Variants in SP110 observed in about 807,000 individuals in gnomAD.
SP110 encodes SP110 nuclear body protein, also known as interferon-induced protein 41, 30kD.
In SP110, 62 loss-of-function variants were observed where a neutral mutation model predicts 92.7. That is an observed-to-expected ratio of 0.67 (90% CI 0.55 to 0.83). SP110 has a LOEUF of 0.83. SP110 is among the 40% of genes least tolerant of loss of function. The probability of loss-of-function intolerance (pLI) is 0.00; values close to 1 mark genes in which losing one functional copy is unlikely to be tolerated. For synonymous variants in SP110, 273 were observed against 305.3 expected (o/e 0.89, Z 1.10); for missense variants, 793 against 863.9 (o/e 0.92, Z 1.03).
intron 9 of SP110, 47 bp downstream of exon 9, chr2:230,202,532 C>T (rs1238457423): frequency 1.3e-6 from 2 of 1,597,628 alleles, no homozygotes; most frequent in East Asian, 2.2e-5. Flanking sequence ...AGGAGAGACC[C>T]TCCCACACTG....
chr2:230,178,259 A>G lies in SP110; in HGVS notation c.1349-4T>C, dbSNP rs565270221. On this transcript the variant is annotated splice_region_variant and splice_polypyrimidine_tract_variant and intron_variant, in intron 12 of 18. Transcript: ENST00000258381. ...ACAGTGTCACTTTTGGGTTTTCCTT[A>G]AAGTAGAAGAGAACAGTTTTGTGTT... The G allele has an allele frequency of 3.8e-6, 6 of 1,571,152 alleles. No individual in the cohort carries two copies. Among genetic ancestry groups the G allele is most frequent in the Middle Eastern group, 1.7e-4 (1 of 5,978 alleles).
intron 14 of SP110, among the ~76,000 whole-genome samples, chr2:230,175,918 T>C (rs993930935): frequency 1.6e-4 from 24 of 152,098 alleles, no homozygotes; most frequent in Admixed American, 1.3e-3. Context: ...TCAATGCCTT[T>C]TCTTTTGCTT....
chr2:230,191,439 A>G (rs2042627529), intron 10 of SP110, among the ~76,000 whole-genome samples: 1 of 152,218 alleles, frequency 6.6e-6, no homozygotes, highest in Admixed American at 6.5e-5. Flanking sequence ...AATAAAAATG[A>G]TAAGGGGGAA....
chr2:230,188,086 G>T (rs2042440247), intron 10 of SP110, among the ~76,000 whole-genome samples: 2 of 152,092 alleles, frequency 1.3e-5, no homozygotes, highest in South Asian at 4.1e-4. Flanking sequence ...TGGGCAGTGT[G>T]ATCATTTTCA....
At chr2:230,171,974 C>T (rs1167714492) in intron 16 of SP110, 92 bp downstream of exon 16, 1 of 883,818 alleles carries the variant, frequency 1.1e-6, no homozygotes, top group Non-Finnish European at 1.9e-6. Context: ...ACATTGAAGG[C>T]TCCCTTTGGT....
intron 9 of SP110, among the ~76,000 whole-genome samples, chr2:230,201,248 A>C (rs1243966112): frequency 6.6e-6 from 1 of 152,230 alleles, no homozygotes; most frequent in Non-Finnish European, 1.5e-5. Flanking sequence ...AGAGTCTCTC[A>C]AAGTAAGGTC....
intron 10 of SP110, 151 bp downstream of exon 10, chr2:230,200,734 G>A (rs945885246): frequency 1.5e-6 from 1 of 682,148 alleles, no homozygotes; most frequent in Non-Finnish European, 2.6e-6. Context: ...ATCATGGGAA[G>A]GGTCTTGATT....
upstream of SP110, among the ~76,000 whole-genome samples, chr2:230,223,268 C>T (rs1448462549): frequency 6.6e-6 from 1 of 152,122 alleles, no homozygotes; most frequent in Non-Finnish European, 1.5e-5. Flanking sequence ...ATCTCCTGAC[C>T]TCGTGATCTG....
chr2:230,212,867 A>G lies in SP110; in HGVS notation c.477T>C (p.Pro159=), dbSNP rs2044649054. ...CATCGCTTTGCTGGGAGGATGTTCC[A>G]GGCTCACTGACTCTTGGCGCACAGG... The part of the protein sequence containing the change: ...CSPCAPRVSE[P]GTSSQQSDEI... Residue 159 remains proline (P), a synonymous_variant, in exon 4 of 19, where the codon CCT becomes CCC. Transcript: ENST00000258381. 1 of 1,614,110 alleles carries G rather than the reference A, an allele frequency of 6.2e-7. No homozygotes were observed. Among genetic ancestry groups the G allele is most frequent in the Non-Finnish European group, 8.5e-7 (1 of 1,180,006 alleles).
intron 2 of SP110, 119 bp from the exon 3 acceptor site, chr2:230,215,237 T>C: frequency 2.5e-6 from 2 of 797,616 alleles, no homozygotes; most frequent in Non-Finnish European, 2.1e-6. Flanking sequence ...AAATTCAACA[T>C]AAAATATATA....
intron 2 of SP110, among the ~76,000 whole-genome samples, chr2:230,215,651 G>A (rs145071855): frequency 4.6e-5 from 7 of 152,270 alleles, no homozygotes; most frequent in East Asian, 1.9e-4. Context: ...GGAGAAATAC[G>A]GCAAGAGAGA....
chr2:230,179,848 T>C (rs923056390), intron 12 of SP110, among the ~76,000 whole-genome samples: 5 of 150,618 alleles, frequency 3.3e-5, no homozygotes, highest in Admixed American at 1.3e-4. Flanking sequence ...ATGTGCAGAG[T>C]TGTGAGGACA....
chr2:230,213,089 G>T, intron 3 of SP110, 62 bp from the exon 4 acceptor site: 14 of 1,548,576 alleles, frequency 9.0e-6, no homozygotes, highest in South Asian at 4.5e-5. Flanking sequence ...TGGGGAAGGG[G>T]ATTTCTTAAT....
intron 8 of SP110, among the ~76,000 whole-genome samples, chr2:230,206,074 G>A (rs1256574278): frequency 6.6e-6 from 1 of 152,136 alleles, no homozygotes; most frequent in Non-Finnish European, 1.5e-5. Context: ...TCTGTTAAGT[G>A]TCTTAAAAGG....
chr2:230,185,182 C>G (rs1224301761), intron 11 of SP110, among the ~76,000 whole-genome samples: 1 of 152,192 alleles, frequency 6.6e-6, no homozygotes, highest in Admixed American at 6.5e-5. Context: ...TAGAACATCC[C>G]TGGTCTTGGG....
chr2:230,191,179 C>A (rs1280527397), intron 10 of SP110, among the ~76,000 whole-genome samples: 1 of 151,992 alleles, frequency 6.6e-6, no homozygotes, highest in Non-Finnish European at 1.5e-5. Context: ...ATGCCCACAT[C>A]AGGAAGCTAG....
At chr2:230,224,677 T>C (rs2046120645), upstream of SP110, among the ~76,000 whole-genome samples, 1 of 152,184 alleles carries the variant, frequency 6.6e-6, no homozygotes, top group Admixed American at 6.5e-5. Flanking sequence ...TTTGCAAACT[T>C]ATGTATGCAA....
chr2:230,168,944 G>A lies in SP110; in HGVS notation c.*180C>T. 1.8e-6 allele frequency: 1 copy of A among 562,568 alleles called. No homozygotes were observed. Among genetic ancestry groups the A allele is most frequent in the Non-Finnish European group, 3.2e-6 (1 of 310,152 alleles). 34.8% of individuals were successfully genotyped at this position (562,568 alleles called of 1,614,324 possible). On this transcript the variant is annotated 3_prime_UTR_variant, in exon 19 of 19. Transcript: ENST00000258381. ...TTTTTTTTTTTTTAGTGTAGATATA[G>A]ACTTTTAAAGGTAAAAAGAAAGAAT...
chr2:230,168,251 T>G lies in SP110; in HGVS notation c.*873A>C, dbSNP rs2078344679. ...TAAATTAAAAAATCCCTGGTTACCTTTAGAGGATATTGGGACATCAATTCA... is the reference window on the plus strand; with the variant it reads ...TAAATTAAAAAATCCCTGGTTACCTGTAGAGGATATTGGGACATCAATTCA... On this transcript the variant is annotated 3_prime_UTR_variant, in exon 19 of 19. Coordinates refer to ENST00000258381, the MANE Select transcript of SP110 (RefSeq NM_080424.4). 1 of 152,074 alleles carries G rather than the reference T, an allele frequency of 6.6e-6. No individual in the cohort carries two copies. Among genetic ancestry groups the G allele is most frequent in the Admixed American group, 6.5e-5 (1 of 15,278 alleles). The allele number at this position is 152,074 out of a possible 1,614,324, so 9.4% of individuals were successfully genotyped here. A position where few individuals can be genotyped will look rare whatever the true frequency, so the allele number is the denominator to read the frequency against.
Sources: allele counts gnomAD v4.1 joint callset (sites outside exome capture counted in the v4.1 genomes callset), GRCh38; gene constraint gnomAD v4.1.1; transcripts MANE v1.5; gene names NCBI Gene and HGNC (gene_info 2026-07-23, HGNC 2026-07-21).